The following METTL15 variants were observed in gnomAD, a reference collection of about 807,000 sequenced individuals.
METTL15 encodes the protein methyltransferase 15, mitochondrial 12S rRNA N4-cytidine.
METTL15 carries 34 observed loss-of-function variants against 38.3 expected under a neutral mutation model. That is an observed-to-expected ratio of 0.89 (90% CI 0.68 to 1.18). The LOEUF (loss-of-function observed/expected upper bound fraction) is 1.18, where lower values mean the gene tolerates loss of function less well. Ranked by LOEUF, METTL15 falls within the 50% of genes most tolerant of loss-of-function variation. The pLI is 0.00. For missense variants in METTL15, 438 were observed against 498.4 expected (o/e 0.88, Z 1.15); for synonymous variants, 162 against 170.9 (o/e 0.95, Z 0.41).
At chr11:28,447,836 A>G (rs933677637) in intron 6 of METTL15, among the ~76,000 whole-genome samples, 2 of 152,106 alleles carry the variant, frequency 1.3e-5, no homozygotes, top group Admixed American at 6.5e-5. Context: ...TCTCTTATTT[A>G]TGCATGCCCA....
chr11:28,476,380 G>A (rs1209041151), intron 6 of METTL15, among the ~76,000 whole-genome samples: 1 of 152,110 alleles, frequency 6.6e-6, no homozygotes, highest in African/African-American at 2.4e-5. Context: ...TGACCCAGAT[G>A]GTAGATAAGG....
chr11:28,315,877 G>C (rs1380553354), intron 6 of METTL15, among the ~76,000 whole-genome samples: 1 of 152,234 alleles, frequency 6.6e-6, no homozygotes, highest in African/African-American at 2.4e-5. Context: ...GAGCCTGTGG[G>C]TGCACAGAAG....
chr11:28,193,471 A>G (rs963873231), intron 3 of METTL15, among the ~76,000 whole-genome samples: 2 of 152,042 alleles, frequency 1.3e-5, no homozygotes, highest in Non-Finnish European at 2.9e-5. Flanking sequence ...TGAGAACATC[A>G]CTAGGGGGAT....
At position 28,110,147 on chromosome 11, in the gene METTL15, T is replaced by G. The variant is rs1851656020; in HGVS notation, c.-253-19T>G. On this transcript the variant is annotated intron_variant, in intron 1 of 6. Coordinates refer to ENST00000407364, the MANE Select transcript of METTL15 (RefSeq NM_001113528.2). The stretch of plus-strand genomic sequence containing the variant: ...GAATTTAAACATGGCAATAGTGAGG[T>G]CTTATTTATTTCCCCCAGGAAAGTC... 1 of 152,008 alleles carries G rather than the reference T, an allele frequency of 6.6e-6. No individual in the cohort carries two copies. Among genetic ancestry groups the G allele is most frequent in the Non-Finnish European group, 1.5e-5 (1 of 67,974 alleles). The allele number at this position is 152,008 out of a possible 1,614,324, so 9.4% of individuals were successfully genotyped here.
chr11:28,245,655 C>A (rs1854479972), intron 4 of METTL15, among the ~76,000 whole-genome samples: 1 of 152,050 alleles, frequency 6.6e-6, no homozygotes, highest in Admixed American at 6.6e-5. Context: ...ATAACAAATA[C>A]CTGAGACTTG....
At chr11:28,315,103 G>A (rs1857434276) in intron 6 of METTL15, among the ~76,000 whole-genome samples, 1 of 152,192 alleles carries the variant, frequency 6.6e-6, no homozygotes, top group African/African-American at 2.4e-5. Context: ...ACCCAAAAAT[G>A]TGGAAGCAAC....
Position 28,395,016 on chromosome 11 carries a change from C to T in METTL15, c.*359-29283C>T, listed in dbSNP as rs77457228. 2.6e-3 allele frequency among the ~76,000 whole-genome samples: 388 copies of T among 152,108 alleles called. 5 individuals are homozygous for T. The East Asian group carries it at 0.043, about 17-fold the overall frequency. On this transcript the variant is annotated intron_variant and NMD_transcript_variant, in intron 5 of 7. Transcript: ENST00000532947. ...AAATCTGCAGTAATGATGAGCTGATCGTAAGTAATCAGCCATAATTACAAT... is the reference window on the plus strand; with the variant it reads ...AAATCTGCAGTAATGATGAGCTGATTGTAAGTAATCAGCCATAATTACAAT...
intron 5 of METTL15, among the ~76,000 whole-genome samples, chr11:28,403,046 A>G (rs1008818673): frequency 2.6e-5 from 4 of 152,014 alleles, no homozygotes; most frequent in East Asian, 1.9e-4. Context: ...CTCATTGCTC[A>G]TCCATCTTCT....
intron 6 of METTL15, among the ~76,000 whole-genome samples, chr11:28,440,097 G>A (rs1208243421): frequency 2.0e-5 from 3 of 152,114 alleles, no homozygotes; most frequent in African/African-American, 4.8e-5. Flanking sequence ...GGCTGTGTTG[G>A]TGGTCCCCAT....
chr11:28,472,128 A>T (rs1851309000), intron 6 of METTL15, among the ~76,000 whole-genome samples: 1 of 152,168 alleles, frequency 6.6e-6, no homozygotes, highest in South Asian at 2.1e-4. Context: ...TTAAATTGAG[A>T]AAGTGAATAA....
At chr11:28,413,277 A>C (rs1850745192) in intron 5 of METTL15, among the ~76,000 whole-genome samples, 1 of 152,020 alleles carries the variant, frequency 6.6e-6, no homozygotes, top group Admixed American at 6.6e-5. Context: ...TTACCTCCTC[A>C]TTTAATTTTA....
chr11:28,437,400 T>C (rs1325910504), intron 6 of METTL15, among the ~76,000 whole-genome samples: 2 of 152,348 alleles, frequency 1.3e-5, no homozygotes, highest in South Asian at 2.1e-4. Flanking sequence ...AATAATTGAA[T>C]AAATAAATGG....
intron 4 of METTL15, among the ~76,000 whole-genome samples, chr11:28,218,276 C>G (rs1275779579): frequency 6.6e-6 from 1 of 152,140 alleles, no homozygotes; most frequent in Non-Finnish European, 1.5e-5. Context: ...TGCTTCACAT[C>G]CCTTGTAAGT....
rs181725754 is a variant in METTL15 at position 28,183,805 on chromosome 11, T to C, written c.271-27257T>C. Among the ~76,000 whole-genome samples the C allele has an allele frequency of 1.2e-3, 181 of 151,906 alleles. 1 individual carries two copies. The highest frequency in any genetic ancestry group is 0.01 in the Admixed American group (153 of 15,208). Reference sequence around the variant, plus strand: ...GTTAGGGAGGATTCCCTCTTTTTCTTTTGTTTGGAATAGTTTCAGAAGGAA... The same window carrying C: ...GTTAGGGAGGATTCCCTCTTTTTCTCTTGTTTGGAATAGTTTCAGAAGGAA... On this transcript the variant is annotated intron_variant, in intron 3 of 6. Coordinates refer to ENST00000407364, the MANE Select transcript of METTL15 (RefSeq NM_001113528.2).
At chr11:28,379,875 A>T (rs1850362304) in intron 5 of METTL15, among the ~76,000 whole-genome samples, 1 of 152,088 alleles carries the variant, frequency 6.6e-6, no homozygotes, top group African/African-American at 2.4e-5. Flanking sequence ...TGTTTGTCTT[A>T]TGTATTTGGG....
intron 2 of METTL15, among the ~76,000 whole-genome samples, chr11:28,112,842 T>C (rs1423431007): frequency 6.6e-6 from 1 of 152,148 alleles, no homozygotes; most frequent in Non-Finnish European, 1.5e-5. Context: ...GATGAGAATT[T>C]AGCATTGTGA....
At chr11:28,114,403 G>A (rs1004120819) in intron 3 of METTL15, among the ~76,000 whole-genome samples, 1 of 152,072 alleles carries the variant, frequency 6.6e-6, no homozygotes, top group African/African-American at 2.4e-5. Flanking sequence ...TATTGTTTCT[G>A]CTTTGTGGCT....
In METTL15 at chr11:28,204,435, CTTTTTTTTTTTTT is replaced by C. The variant is rs59729387; in HGVS notation, c.271-6613_271-6601del. On this transcript the variant is annotated intron_variant, in intron 3 of 6. Coordinates refer to ENST00000407364, the MANE Select transcript of METTL15 (RefSeq NM_001113528.2). ...ATTTTCTCTCTGCACCTGAGTTTTC[CTTTTTTTTTTTTT>C]TTTTTTTTTTTTTGTAAAAAGGGAT... Among the ~76,000 whole-genome samples the C allele has an allele frequency of 3.5e-4, 28 of 79,346 alleles. No homozygotes were observed. In the East Asian group the frequency reaches 6.6e-3, roughly 19 times the overall value. The allele number at this position is 79,346 out of a possible 152,430, so 52.1% of individuals were successfully genotyped here.
At chr11:28,153,375 C>T (rs764297431) in intron 3 of METTL15, among the ~76,000 whole-genome samples, 122 of 152,120 alleles carry the variant, frequency 8.0e-4, no homozygotes, top group Non-Finnish European at 2.5e-4. Flanking sequence ...CAACAGTACT[C>T]TCCATGCTGG....
Sources: allele counts gnomAD v4.1 joint callset (sites outside exome capture counted in the v4.1 genomes callset), GRCh38; gene constraint gnomAD v4.1.1; transcripts MANE v1.5; gene names NCBI Gene and HGNC (gene_info 2026-07-23, HGNC 2026-07-21).